SLC25A24: variants seen among roughly 807,000 people sequenced by gnomAD.
The protein encoded by SLC25A24 is mitochondrial adenyl nucleotide antiporter SLC25A24.
Under a neutral mutation model 60.7 loss-of-function variants are expected in SLC25A24, and 49 were observed. That is an observed-to-expected ratio of 0.81 (90% CI 0.64 to 1.02). The LOEUF (loss-of-function observed/expected upper bound fraction) is 1.02, where lower values mean the gene tolerates loss of function less well. Ranked by LOEUF, SLC25A24 falls within the 50% of genes least tolerant of loss-of-function variation. SLC25A24 has a pLI of 0.00. For synonymous variants in SLC25A24, 202 were observed against 200.6 expected (o/e 1.01, Z -0.06); for missense variants, 564 against 586.3 (o/e 0.96, Z 0.39).
At chr1:108,151,366 C>G (rs1023547680) in intron 6 of SLC25A24, among the ~76,000 whole-genome samples, 1 of 152,210 alleles carries the variant, frequency 6.6e-6, no homozygotes, top group African/African-American at 2.4e-5. Context: ...TCTTCACCTC[C>G]CATTCACTTT....
rs771223510 is a variant in SLC25A24 at position 108,153,138 on chromosome 1, C to T, written c.822+1845G>A. Among the ~76,000 whole-genome samples, 3 of 152,238 alleles carry T rather than the reference C, an allele frequency of 2.0e-5. 1 individual carries two copies. The highest frequency in any genetic ancestry group is 6.8e-3 in the Middle Eastern group (2 of 294). ...ATGTTGGAGTGGAAAGCAGTCAGTA[C>T]AGAGATGGCAGCTGAAACCACAAGA... On this transcript the variant is annotated intron_variant, in intron 6 of 9. Coordinates refer to ENST00000565488, the MANE Select transcript of SLC25A24 (RefSeq NM_013386.5).
intron 1 of SLC25A24, among the ~76,000 whole-genome samples, chr1:108,195,887 C>G (rs1558030160): frequency 6.6e-6 from 1 of 151,896 alleles, no homozygotes; most frequent in East Asian, 1.9e-4. Context: ...GTAATCTCAG[C>G]TGCTTGGGAG....
intron 2 of SLC25A24, among the ~76,000 whole-genome samples, chr1:108,183,261 A>G (rs1460548141): frequency 6.6e-6 from 1 of 152,252 alleles, no homozygotes; most frequent in African/African-American, 2.4e-5. Flanking sequence ...GGGAAGGAGC[A>G]GCATGAGAAT....
rs139820230 is a variant in SLC25A24, at chr1:108,178,036, G to A, written c.398+3905C>T. On this transcript the variant is annotated intron_variant, in intron 3 of 9. Transcript: ENST00000565488. ...AAATTAGCTGGGCGTGGTGGCATGC[G>A]CCTGTAGTCCCAGCGACTCGGGAGG... Among the ~76,000 whole-genome samples, 299 of 152,120 alleles carry A rather than the reference G, an allele frequency of 2.0e-3. 4 individuals carry two copies. In the East Asian group the frequency reaches 0.031, roughly 16 times the overall value.
At chr1:108,161,095 C>T in intron 4 of SLC25A24, 87 bp downstream of exon 4, 1 of 694,820 alleles carries the variant, frequency 1.4e-6, no homozygotes, top group Non-Finnish European at 2.5e-6. Flanking sequence ...GTATCCTGGC[C>T]CATAAGTGTT....
rs142787567 is a variant in SLC25A24, at chr1:108,173,721, T to G, written c.398+8220A>C. ...GGAGAGCTCAGAAGACAAAAAGAGG[T>G]GGGAAAGTTTGTAAGTTCCCAGAGA... On this transcript the variant is annotated intron_variant, in intron 3 of 9. Coordinates refer to ENST00000565488, the MANE Select transcript of SLC25A24 (RefSeq NM_013386.5). Among the ~76,000 whole-genome samples the G allele has an allele frequency of 2.6e-5, 4 of 151,954 alleles. No homozygotes were observed. In the East Asian group the frequency reaches 7.8e-4, roughly 30 times the overall value.
intron 6 of SLC25A24, among the ~76,000 whole-genome samples, chr1:108,150,098 T>C (rs561224119): frequency 2.0e-5 from 3 of 152,286 alleles, no homozygotes; most frequent in Non-Finnish European, 2.9e-5. Flanking sequence ...TCATTAAACA[T>C]AATTTGCTTA....
chr1:108,199,749 G>C (rs1229187772), intron 1 of SLC25A24: 10 of 594,632 alleles, frequency 1.7e-5, no homozygotes, highest in Non-Finnish European at 3.0e-5. Context: ...AATACCAGTA[G>C]ACTTTCGTAT....
In SLC25A24 at chr1:108,191,138, C is replaced by CT. The variant is rs368189296; in HGVS notation, c.184-5185dup. Among the ~76,000 whole-genome samples, 40 of 133,208 alleles carry CT rather than the reference C, an allele frequency of 3.0e-4. 4 individuals carry two copies. Among genetic ancestry groups the CT allele is most frequent in the Middle Eastern group, 3.6e-3 (1 of 276 alleles). 87.4% of individuals were successfully genotyped at this position (133,208 alleles called of 152,430 possible). ...TTAAACAAATATGAAGAACACTTAA[C>CT]TTTTTTTTTTTCTTTTTGAGATGGA... On this transcript the variant is annotated intron_variant, in intron 1 of 9. Transcript: ENST00000565488.
In SLC25A24 at chr1:108,200,320, G is replaced by C. The variant is rs533259702; in HGVS notation, c.-182C>G. 2.6e-3 allele frequency: 1,006 copies of C among 394,282 alleles called. 1 individual carries two copies. The highest frequency in any genetic ancestry group is 4.1e-3 in the Admixed American group (84 of 20,556). 24.4% of individuals were successfully genotyped at this position (394,282 alleles called of 1,614,324 possible). A position where few individuals can be genotyped will look rare whatever the true frequency, so the allele number is the denominator to read the frequency against. ...GGGCGCAGGAGCGGAGACCCCACCC[G>C]AGCCCGCGCGGAGCGCAGGGTGTGG... On this transcript the variant is annotated 5_prime_UTR_variant, in exon 1 of 10. Transcript: ENST00000565488.
At chr1:108,172,217 C>T (rs1647488146) in intron 3 of SLC25A24, among the ~76,000 whole-genome samples, 2 of 152,182 alleles carry the variant, frequency 1.3e-5, no homozygotes, top group African/African-American at 4.8e-5. Context: ...TCTACAGCTT[C>T]TACTGAACAG....
At chr1:108,157,421 A>G (rs756316465) in intron 5 of SLC25A24, 41 bp downstream of exon 5, 1 of 1,550,974 alleles carries the variant, frequency 6.4e-7, no homozygotes, top group African/African-American at 1.4e-5. Flanking sequence ...ATTGTTTTAG[A>G]ATATTTAGGG....
chr1:108,152,221 C>A (rs1022554678), intron 6 of SLC25A24, among the ~76,000 whole-genome samples: 2 of 152,148 alleles, frequency 1.3e-5, no homozygotes, highest in Admixed American at 6.5e-5. Flanking sequence ...GCTCTTTCAT[C>A]ATTATCTTTC....
At chr1:108,185,711 A>T in intron 2 of SLC25A24, 117 bp downstream of exon 2, 1 of 765,100 alleles carries the variant, frequency 1.3e-6, no homozygotes, top group Middle Eastern at 3.4e-4. Context: ...AAAAGTATTA[A>T]CACAAATAAT....
At chr1:108,170,490 T>C (rs1046770375) in intron 3 of SLC25A24, among the ~76,000 whole-genome samples, 5 of 152,102 alleles carry the variant, frequency 3.3e-5, no homozygotes, top group Non-Finnish European at 5.9e-5. Context: ...CTTATGTATT[T>C]AGAAGTTTTT....
rs759692475 is a variant in SLC25A24, at chr1:108,139,132, C to T, written c.1175G>A (p.Gly392Asp). The change falls in exon 9 of 10, where the codon GGT becomes GAT. Residue 392 changes from glycine to aspartate, a missense_variant. Transcript: ENST00000565488. ...CTGACCACAGGTGCTGGATAAGGCA[C>T]CGCATCCCAGCAACACCATGACTCC... ...NPGVMVLLGC[G>D]ALSSTCGQLA... The T allele has an allele frequency of 1.2e-6, 2 of 1,611,288 alleles. No homozygotes were observed. The highest frequency in any genetic ancestry group is 1.1e-5 in the South Asian group (1 of 90,258).
At chr1:108,139,000 A>C in intron 9 of SLC25A24, 58 bp downstream of exon 9, 7 of 1,405,340 alleles carry the variant, frequency 5.0e-6, no homozygotes, top group Non-Finnish European at 6.5e-6. Flanking sequence ...TTGGAGTTCT[A>C]AAAGCACATT....
intron 4 of SLC25A24, among the ~76,000 whole-genome samples, chr1:108,158,534 T>C (rs1679964079): frequency 6.6e-6 from 1 of 152,174 alleles, no homozygotes; most frequent in African/African-American, 2.4e-5. Flanking sequence ...ACTGAACTAC[T>C]AGTATAATAT....
chr1:108,158,817 C>A (rs566586584), intron 4 of SLC25A24, among the ~76,000 whole-genome samples: 1 of 151,548 alleles, frequency 6.6e-6, no homozygotes, highest in Non-Finnish European at 1.5e-5. Flanking sequence ...CTGGCTAACA[C>A]GGTGAAACCC....
Sources: allele counts gnomAD v4.1 joint callset (sites outside exome capture counted in the v4.1 genomes callset), GRCh38; gene constraint gnomAD v4.1.1; transcripts MANE v1.5; gene names NCBI Gene and HGNC (gene_info 2026-07-23, HGNC 2026-07-21).